Variants in SLC25A48 observed in about 807,000 individuals in gnomAD.
SLC25A48 encodes the protein solute carrier family 25 member 48.
SLC25A48 carries 29 observed loss-of-function variants against 32.2 expected under a neutral mutation model. The ratio of observed to expected loss-of-function variants is 0.90; its 90% CI spans 0.67 to 1.23. The LOEUF (loss-of-function observed/expected upper bound fraction) is 1.23, where lower values mean the gene tolerates loss of function less well. Ranked by LOEUF, SLC25A48 falls within the 50% of genes most tolerant of loss-of-function variation. The pLI, the probability that SLC25A48 is intolerant of heterozygous loss-of-function variation, is 0.00. For synonymous variants in SLC25A48, 164 were observed against 172.3 expected, an observed-to-expected ratio of 0.95 and a Z score of 0.38; for missense variants, 399 against 422.7, an observed-to-expected ratio of 0.94 and a Z score of 0.49.
chr5:135,719,125 A>T (rs1339190887), intron 3 of SLC25A48, among the ~76,000 whole-genome samples: 1 of 152,228 alleles, frequency 6.6e-6, no homozygotes, highest in Non-Finnish European at 1.5e-5. Flanking sequence ...TTACAAGTGC[A>T]TGTGAATCTG....
intron 3 of SLC25A48, among the ~76,000 whole-genome samples, chr5:135,638,630 G>A (rs1388033462): frequency 6.6e-6 from 1 of 152,114 alleles, no homozygotes; most frequent in Non-Finnish European, 1.5e-5. Flanking sequence ...AAATCCCCAG[G>A]GATAGGATGA....
chr5:135,763,886 T>G (rs887856573), intron 3 of SLC25A48, among the ~76,000 whole-genome samples: 3 of 152,154 alleles, frequency 2.0e-5, no homozygotes, highest in Non-Finnish European at 4.4e-5. Flanking sequence ...ACTTATTTAT[T>G]TTTTTGAGAC....
At chr5:135,872,088 CA>C in intron 5 of SLC25A48, 1 of 1,033,764 alleles carries the variant, frequency 9.7e-7, no homozygotes, top group Non-Finnish European at 1.2e-6. Flanking sequence ...TCGGTTTCCC[CA>C]TTTCACAGAT....
chr5:135,875,577 G>A (rs530280059), intron 6 of SLC25A48: 1 of 152,362 alleles, frequency 6.6e-6, no homozygotes, highest in South Asian at 2.1e-4. Flanking sequence ...AATCCGATTT[G>A]ATGAAGGCTT....
chr5:135,768,576 A>C (rs142848347), intron 3 of SLC25A48, among the ~76,000 whole-genome samples: 1 of 151,620 alleles, frequency 6.6e-6, no homozygotes, highest in African/African-American at 2.4e-5. Flanking sequence ...CATAGTTCAT[A>C]ATATCCAGAA....
intron 3 of SLC25A48, among the ~76,000 whole-genome samples, chr5:135,785,912 A>G (rs1165633529): frequency 6.8e-6 from 1 of 147,684 alleles, no homozygotes; most frequent in African/African-American, 2.5e-5. Flanking sequence ...GGTGTAGAGC[A>G]TCCTTCTTGT....
rs571093771 is a variant in SLC25A48, at chr5:135,715,536, G to T, written c.-521+80580G>T. On this transcript the variant is annotated intron_variant, in intron 3 of 10. Coordinates refer to the SLC25A48 transcript ENST00000646290. Reference sequence around the variant, plus strand: ...CTATTACAGACACTTGTAGCTGCTGGGTGAAATGCTGCCCAGGAGCGGGTT... The same window carrying T: ...CTATTACAGACACTTGTAGCTGCTGTGTGAAATGCTGCCCAGGAGCGGGTT... 2.2e-3 allele frequency among the ~76,000 whole-genome samples: 330 copies of T among 152,286 alleles called. 1 individual carries two copies. The highest frequency in any genetic ancestry group is 7.6e-3 in the African/African-American group (317 of 41,556).
At chr5:135,695,028 C>A (rs1023767337) in intron 3 of SLC25A48, among the ~76,000 whole-genome samples, 1 of 152,186 alleles carries the variant, frequency 6.6e-6, no homozygotes, top group Non-Finnish European at 1.5e-5. Context: ...TCCTGGCAGC[C>A]CTCGGCTTTG....
intron 2 of SLC25A48, among the ~76,000 whole-genome samples, chr5:135,634,250 G>A (rs1752645410): frequency 6.6e-6 from 1 of 152,212 alleles, no homozygotes. Context: ...CCAAGGAGAC[G>A]ATGCTGGCAC....
intron 4 of SLC25A48, 103 bp downstream of exon 4, chr5:135,852,924 C>CATCT: frequency 1.4e-6 from 2 of 1,433,398 alleles, no homozygotes; most frequent in South Asian, 2.9e-5. Context: ...TTGAGCAAGG[C>CATCT]ATCTACCTTG....
At chr5:135,831,499 T>C (rs1448195271), upstream of SLC25A48, among the ~76,000 whole-genome samples, 1 of 152,116 alleles carries the variant, frequency 6.6e-6, no homozygotes, top group Non-Finnish European at 1.5e-5. Flanking sequence ...GAAACACAGA[T>C]GAGATCTAGA....
At chr5:135,694,590 C>T (rs4379182) in intron 3 of SLC25A48, among the ~76,000 whole-genome samples, 108,388 of 151,900 alleles carry the variant, frequency 0.71, 39,763 homozygotes, top group Non-Finnish European at 0.81. Context: ...TATTTATTTA[C>T]TTTTATTTTT....
intron 3 of SLC25A48, among the ~76,000 whole-genome samples, chr5:135,701,851 A>G (rs911643760): frequency 6.6e-6 from 1 of 152,250 alleles, no homozygotes; most frequent in Non-Finnish European, 1.5e-5. Context: ...TGTCCTCCAC[A>G]TGGAAACAAG....
chr5:135,620,999 A>T (rs1360860542), intron 1 of SLC25A48, among the ~76,000 whole-genome samples: 1 of 152,160 alleles, frequency 6.6e-6, no homozygotes, highest in Non-Finnish European at 1.5e-5. Flanking sequence ...CAGATGATCT[A>T]TTCAAAGTTT....
intron 3 of SLC25A48, among the ~76,000 whole-genome samples, chr5:135,744,004 G>A (rs941939516): frequency 3.9e-5 from 6 of 152,154 alleles, no homozygotes; most frequent in Admixed American, 3.3e-4. Flanking sequence ...GACAGGATAA[G>A]ATTAATCCTT....
chr5:135,865,034 T>C (rs1056961681), intron 4 of SLC25A48, among the ~76,000 whole-genome samples: 2 of 152,224 alleles, frequency 1.3e-5, no homozygotes, highest in Non-Finnish European at 2.9e-5. Context: ...GTAAGGGACA[T>C]TTGCATGGCA....
intron 3 of SLC25A48, among the ~76,000 whole-genome samples, chr5:135,780,091 G>GA (rs1449374259): frequency 8.7e-6 from 1 of 115,060 alleles, no homozygotes; most frequent in Non-Finnish European, 2.1e-5. Context: ...ATATACAGGG[G>GA]AAAAAAGGAT....
intron 3 of SLC25A48, among the ~76,000 whole-genome samples, chr5:135,779,166 C>T (rs1756656506): frequency 6.6e-6 from 1 of 151,820 alleles, no homozygotes; most frequent in Non-Finnish European, 1.5e-5. Flanking sequence ...GATATTGTTC[C>T]TAATATCCAG....
At chr5:135,614,979 A>G (rs1580724995) in intron 1 of SLC25A48, among the ~76,000 whole-genome samples, 1 of 151,716 alleles carries the variant, frequency 6.6e-6, no homozygotes, top group African/African-American at 2.4e-5. Flanking sequence ...CTTTCTCTTC[A>G]CCCTCTGCCA....
Sources: gnomAD v4.1 joint callset for allele counts (sites outside exome capture counted in the v4.1 genomes callset) on GRCh38, gnomAD v4.1.1 for gene constraint, MANE v1.5 for transcripts, NCBI Gene and HGNC (gene_info 2026-07-23, HGNC 2026-07-21) for gene names.